Variants in PEX7 observed in about 807,000 individuals in gnomAD.
The protein encoded by PEX7 is PTS2 receptor.
Under a neutral mutation model 47.5 loss-of-function variants are expected in PEX7, and 34 were observed. The observed-to-expected ratio is 0.72, with a 90% CI of 0.54 to 0.95. PEX7 has a LOEUF of 0.95. Among genes scored for constraint, PEX7 ranks in the 40% least tolerant of loss-of-function variants. The pLI, the probability that PEX7 is intolerant of heterozygous loss-of-function variation, is 0.00. For synonymous variants in PEX7, 141 were observed against 148.8 expected (o/e 0.95, Z 0.38); for missense variants, 394 against 400.3 (o/e 0.98, Z 0.13).
In PEX7 at chr6:136,866,697, A is replaced by G. The variant is rs1775078603; in HGVS notation, c.597A>G (p.Ala199=). The stretch of plus-strand genomic sequence containing the variant: ...GAATCGTGATTCCTGCACATCAGGC[A>G]GAAATCTTGAGTTGTGACTGGTGTA... ...GVRIVIPAHQ[A]EILSCDWCKY... Residue 199 remains alanine, a synonymous_variant, in exon 6 of 10, where the codon GCA becomes GCG. Transcript: ENST00000318471. 6.2e-7 allele frequency: 1 copy of G among 1,614,022 alleles called. No homozygotes were observed. The highest frequency in any genetic ancestry group is 8.5e-7 in the Non-Finnish European group (1 of 1,179,920).
chr6:136,911,612 G>A (rs1397684427), intron 9 of PEX7, among the ~76,000 whole-genome samples: 1 of 152,034 alleles, frequency 6.6e-6, no homozygotes, highest in Admixed American at 6.5e-5. Flanking sequence ...TCACCATGGT[G>A]CCCAGGCTGG....
rs373624730 is a variant in PEX7 at position 136,846,163 on chromosome 6, T to G, written c.508T>G (p.Cys170Gly). 6.8e-6 allele frequency: 11 copies of G among 1,611,136 alleles called. No homozygotes were observed. Among genetic ancestry groups the G allele is most frequent in the East Asian group, 2.2e-5 (1 of 44,842 alleles). ...AATCTGGTCTCCCCACATCCCTGGT[T>G]GTTTTGCTTCAGCCTCAGGTAAATT... ...STIWSPHIPG[C>G]FASASGDQTL... is the part of the protein sequence containing the mutation. The change falls in exon 5 of 10, where the codon TGT becomes GGT. Residue 170 changes from cysteine to glycine, a missense_variant. Physicochemically the swap from Cys to Gly is radical, Grantham distance 159. Coordinates refer to ENST00000318471, the MANE Select transcript of PEX7 (RefSeq NM_000288.4).
chr6:136,868,910 T>C (rs1651901939), intron 6 of PEX7, among the ~76,000 whole-genome samples: 1 of 152,154 alleles, frequency 6.6e-6, no homozygotes, highest in Admixed American at 6.5e-5. Context: ...ATTACATTCT[T>C]GGATATGATT....
chr6:136,901,340 T>C (rs1775750711), intron 9 of PEX7: 1 of 152,248 alleles, frequency 6.6e-6, no homozygotes, highest in African/African-American at 2.4e-5. Flanking sequence ...AACAATTTTA[T>C]TTGCTCACAA....
At chr6:136,880,861 G>A (rs17175271) in intron 8 of PEX7, among the ~76,000 whole-genome samples, 14,921 of 152,150 alleles carry the variant, frequency 0.098, 833 homozygotes, top group Admixed American at 0.14. Context: ...CAATACAAGC[G>A]GGCAGACAGC....
intron 8 of PEX7, among the ~76,000 whole-genome samples, chr6:136,894,117 G>A (rs1775602793): frequency 6.6e-6 from 1 of 152,102 alleles, no homozygotes; most frequent in Admixed American, 6.6e-5. Flanking sequence ...ATTGCTTGAG[G>A]CCAGGAGTTT....
intron 3 of PEX7, among the ~76,000 whole-genome samples, chr6:136,829,361 C>T (rs1419179076): frequency 6.6e-6 from 1 of 152,154 alleles, no homozygotes; most frequent in Non-Finnish European, 1.5e-5. Context: ...CTACTGCTGT[C>T]TTTTCATTGT....
intron 3 of PEX7, chr6:136,829,920 G>T: frequency 1.5e-6 from 1 of 685,686 alleles, no homozygotes; most frequent in Non-Finnish European, 2.6e-6. Context: ...CTGGACAACA[G>T]AGTGAGACCC....
intron 5 of PEX7, among the ~76,000 whole-genome samples, chr6:136,854,403 T>C (rs1049351898): frequency 1.3e-5 from 2 of 152,160 alleles, no homozygotes; most frequent in African/African-American, 4.8e-5. Flanking sequence ...GCTAGGCTGG[T>C]CTCGAACTCC....
intron 3 of PEX7, among the ~76,000 whole-genome samples, chr6:136,836,103 C>T (rs186665335): frequency 5.1e-4 from 77 of 152,146 alleles, no homozygotes; most frequent in African/African-American, 1.8e-3. Context: ...TATTAAAAAG[C>T]ATATGTAGGA....
rs187593592 is a variant in PEX7, at chr6:136,830,901, T to G, written c.339+4432T>G. 3.5e-4 allele frequency among the ~76,000 whole-genome samples: 53 copies of G among 152,368 alleles called. No homozygotes were observed. In the East Asian group the frequency reaches 7.7e-3, roughly 22 times the overall value. ...AACATATTTGATCCATTGAGGTTTTTGAGCATTGCTTATAAAAACTTATTT... is the reference window on the plus strand; with the variant it reads ...AACATATTTGATCCATTGAGGTTTTGGAGCATTGCTTATAAAAACTTATTT... On this transcript the variant is annotated intron_variant, in intron 3 of 9. Coordinates refer to ENST00000318471, the MANE Select transcript of PEX7 (RefSeq NM_000288.4).
In PEX7 at chr6:136,875,130, ACT is replaced by A. The variant is rs1775248138; in HGVS notation, c.803+2880_803+2881del. ...CTCCAGCCTGGGCAACAAGAGCAAA[ACT>A]CTGTCTCAAAAAAGAAAAAAAAAGA... On this transcript the variant is annotated intron_variant, in intron 8 of 9. Coordinates refer to ENST00000318471, the MANE Select transcript of PEX7 (RefSeq NM_000288.4). Among the ~76,000 whole-genome samples the A allele has an allele frequency of 2.7e-5, 4 of 150,806 alleles. No homozygotes were observed. The South Asian group carries it at 8.4e-4, about 32-fold the overall frequency.
At chr6:136,838,717 G>C (rs926962015) in intron 3 of PEX7, among the ~76,000 whole-genome samples, 1 of 152,180 alleles carries the variant, frequency 6.6e-6, no homozygotes, top group Non-Finnish European at 1.5e-5. Flanking sequence ...AAGGTCTGAT[G>C]TTAGAATACT....
intron 8 of PEX7, among the ~76,000 whole-genome samples, chr6:136,891,555 A>G (rs1452028640): frequency 6.6e-6 from 1 of 152,150 alleles, no homozygotes; most frequent in African/African-American, 2.4e-5. Context: ...ACCAAAAAAC[A>G]GTTTTTAATC....
intron 9 of PEX7, among the ~76,000 whole-genome samples, chr6:136,899,406 C>T (rs1775714210): frequency 6.6e-6 from 1 of 152,048 alleles, no homozygotes; most frequent in Non-Finnish European, 1.5e-5. Flanking sequence ...CCATGCCTGG[C>T]TTATTTTTTG....
chr6:136,842,867 G>A (rs563935838), intron 3 of PEX7, among the ~76,000 whole-genome samples: 5 of 152,278 alleles, frequency 3.3e-5, no homozygotes. Context: ...ATCAGGGGAG[G>A]CTTATTTCGT....
At chr6:136,903,336 C>CTTTTTTTT (rs552573661) in intron 9 of PEX7, among the ~76,000 whole-genome samples, 1 of 126,318 alleles carries the variant, frequency 7.9e-6, no homozygotes, top group Admixed American at 8.5e-5. Flanking sequence ...CTTTCTTTCT[C>CTTTTTTTT]TTTTTTTTTT....
Position 136,900,935 on chromosome 6 carries a change from G to T in PEX7, c.903+2694G>T. 1 of 224,388 alleles carries T rather than the reference G, an allele frequency of 4.5e-6. No individual in the cohort carries two copies. The highest frequency in any genetic ancestry group is 8.9e-6 in the Non-Finnish European group (1 of 112,068). The allele number at this position is 224,388 out of a possible 1,614,324, so 13.9% of individuals were successfully genotyped here. A position where few individuals can be genotyped will look rare whatever the true frequency, so the allele number is the denominator to read the frequency against. ...GGCCTGGGTGAACTGGTTCATCACA[G>T]GAGGCACTTTTAGGCTCTTGTAGAG... On this transcript the variant is annotated intron_variant, in intron 9 of 9. Transcript: ENST00000318471. The surrounding 1 kb of genome is among the most constrained non-coding windows in gnomAD (Gnocchi z 4.2).
intron 8 of PEX7, among the ~76,000 whole-genome samples, chr6:136,882,217 A>C (rs1582768133): frequency 8.4e-6 from 1 of 119,008 alleles, no homozygotes; most frequent in Admixed American, 1.2e-4. Flanking sequence ...TTGCTCTGTC[A>C]CCCAGGCTGC....
Sources: allele counts gnomAD v4.1 joint callset (sites outside exome capture counted in the v4.1 genomes callset), GRCh38; gene constraint gnomAD v4.1.1; non-coding constraint Gnocchi (gnomAD v3.1); transcripts MANE v1.5; gene names NCBI Gene and HGNC (gene_info 2026-07-23, HGNC 2026-07-21).